The following BNIP2 variants were observed in gnomAD, a reference collection of about 807,000 sequenced individuals.
BNIP2 encodes the protein BCL2/adenovirus E1B 19 kDa protein-interacting protein 2.
Under a neutral mutation model 43.4 loss-of-function variants are expected in BNIP2, and 36 were observed. The ratio of observed to expected loss-of-function variants is 0.83; its 90% confidence interval spans 0.64 to 1.10. The LOEUF (loss-of-function observed/expected upper bound fraction) is 1.10. BNIP2 is among the 50% of genes least tolerant of loss of function. The probability of loss-of-function intolerance (pLI) is 0.00; values close to 1 mark genes in which losing one functional copy is unlikely to be tolerated. For synonymous variants in BNIP2, 146 were observed against 121.0 expected, an observed-to-expected ratio of 1.21 and a Z score of -1.35; for missense variants, 417 against 374.1, an observed-to-expected ratio of 1.11 and a Z score of -0.95.
chr15:59,670,387 C>T (rs1232235340), intron 7 of BNIP2, among the ~76,000 whole-genome samples: 3 of 152,174 alleles, frequency 2.0e-5, no homozygotes, highest in African/African-American at 7.2e-5. Flanking sequence ...GCAGAGATTG[C>T]ACCACTGCAC....
chr15:59,682,278 G>A (rs1194563413), intron 2 of BNIP2, 130 bp downstream of exon 2: 2 of 680,252 alleles, frequency 2.9e-6, no homozygotes, highest in Non-Finnish European at 4.8e-6. Context: ...AGTGAGCTGA[G>A]ATCGCGCCAC....
At chr15:59,688,141 G>A (rs1269685393) in intron 1 of BNIP2, among the ~76,000 whole-genome samples, 1 of 152,176 alleles carries the variant, frequency 6.6e-6, no homozygotes, top group Non-Finnish European at 1.5e-5. Context: ...AGAATATGAA[G>A]ACTAGGAATA....
chr15:59,682,435 T>C lies in BNIP2; in HGVS notation c.23A>G (p.Glu8Gly), dbSNP rs541453685. The change falls in exon 2 of 10, where the codon GAA becomes GGA. Residue 8 changes from glutamate (E) to glycine (G), a missense_variant. Transcript: ENST00000607373. The stretch of plus-strand genomic sequence containing the variant: ...CGGAAAATCTTCATCTTGCCATTCT[T>C]CTTTAAGTTCCACACCTTCCATCCT... MEGVELK[E>G]EWQDEDFPIP... The C allele has an allele frequency of 6.2e-7, 1 of 1,613,392 alleles. No homozygotes were observed. Among genetic ancestry groups the C allele is most frequent in the Non-Finnish European group, 8.5e-7 (1 of 1,179,622 alleles).
At chr15:59,672,221 AC>A (rs1335682317) in intron 6 of BNIP2, 1 of 153,984 alleles carries the variant, frequency 6.5e-6, no homozygotes, top group Non-Finnish European at 1.4e-5. Context: ...AGTAACAAAT[AC>A]TTTTACTTTA....
chr15:59,688,634 C>A, intron 1 of BNIP2: 1 of 1,397,968 alleles, frequency 7.2e-7, no homozygotes, highest in Non-Finnish European at 9.8e-7. Flanking sequence ...TTTTGACGTA[C>A]ACACTCTGTA....
At chr15:59,671,390 T>C in intron 6 of BNIP2, 76 bp from the exon 7 acceptor site, 2 of 1,285,834 alleles carry the variant, frequency 1.6e-6, no homozygotes, top group East Asian at 2.6e-5. Flanking sequence ...ATTGTACCAT[T>C]ATACAATTCC....
At chr15:59,679,843 A>C (rs1595703089) in intron 3 of BNIP2, 75 bp from the exon 4 acceptor site, 1 of 1,246,002 alleles carries the variant, frequency 8.0e-7, no homozygotes, top group Non-Finnish European at 1.1e-6. Flanking sequence ...GAAAAATTTT[A>C]ACTACCCCAT....
chr15:59,670,033 C>G (rs575654529), intron 7 of BNIP2, among the ~76,000 whole-genome samples: 14 of 152,182 alleles, frequency 9.2e-5, no homozygotes, highest in Non-Finnish European at 1.9e-4. Flanking sequence ...TCAAACCAAT[C>G]GGAAGATCAC....
At chr15:59,673,816 G>C (rs1256481399) in intron 5 of BNIP2, among the ~76,000 whole-genome samples, 1 of 152,096 alleles carries the variant, frequency 6.6e-6, no homozygotes, top group South Asian at 2.1e-4. Context: ...GGCCGGGCGA[G>C]GTGGCTCATG....
intron 5 of BNIP2, among the ~76,000 whole-genome samples, chr15:59,676,487 C>T (rs1248530281): frequency 1.3e-5 from 2 of 152,238 alleles, no homozygotes; most frequent in East Asian, 3.9e-4. Flanking sequence ...CCGTGCCCAA[C>T]CTGACAGTTT....
At chr15:59,687,907 C>G (rs1894122288) in intron 1 of BNIP2, among the ~76,000 whole-genome samples, 1 of 152,208 alleles carries the variant, frequency 6.6e-6, no homozygotes, top group Non-Finnish European at 1.5e-5. Context: ...GTCCCCATAT[C>G]TAGTCCGGAA....
chr15:59,685,274 C>A (rs781530477), intron 1 of BNIP2, among the ~76,000 whole-genome samples: 1 of 152,010 alleles, frequency 6.6e-6, no homozygotes, highest in Admixed American at 6.5e-5. Context: ...CTGAGGTGGG[C>A]GGATCACCTG....
Position 59,682,293 on chromosome 15 carries a change from C to T in BNIP2, c.50+115G>A, listed in dbSNP as rs576441101. ...AGTGAGCTGAGATCGCGCCACTGCACTCCAGCCTGGGCAACAGAGCAAGAC... is the reference window on the plus strand; with the variant it reads ...AGTGAGCTGAGATCGCGCCACTGCATTCCAGCCTGGGCAACAGAGCAAGAC... On this transcript the variant is annotated intron_variant, in intron 2 of 9. Transcript: ENST00000607373. The T allele has an allele frequency of 2.0e-4, 174 of 877,684 alleles. 1 individual carries two copies. The African/African-American group carries it at 2.8e-3, about 14-fold the overall frequency. The allele number at this position is 877,684 out of a possible 1,614,324, so 54.4% of individuals were successfully genotyped here.
At chr15:59,669,080 G>T (rs1246532885) in intron 8 of BNIP2, 90 bp from the exon 9 acceptor site, 25 of 1,263,074 alleles carry the variant, frequency 2.0e-5, no homozygotes, top group Non-Finnish European at 2.8e-5. Flanking sequence ...ATGTCATTTT[G>T]AATGTTCAAA....
chr15:59,663,512 T>G lies in BNIP2; in HGVS notation c.*557A>C, dbSNP rs1285227048. ...ATACACTTCGATTATATACATGATC[T>G]TTGGGTATTCATGACAATCAGTTTA... On this transcript the variant is annotated 3_prime_UTR_variant, in exon 10 of 10. Coordinates refer to ENST00000607373, the MANE Select transcript of BNIP2 (RefSeq NM_004330.4). 2.6e-5 allele frequency: 4 copies of G among 152,658 alleles called. No homozygotes were observed. Among genetic ancestry groups the G allele is most frequent in the Non-Finnish European group, 5.9e-5 (4 of 68,044 alleles). The allele number at this position is 152,658 out of a possible 1,614,324, so 9.5% of individuals were successfully genotyped here. A position where few individuals can be genotyped will look rare whatever the true frequency, so the allele number is the denominator to read the frequency against.
At chr15:59,677,617 G>C (rs1426844377) in intron 5 of BNIP2, among the ~76,000 whole-genome samples, 1 of 152,146 alleles carries the variant, frequency 6.6e-6, no homozygotes, top group Non-Finnish European at 1.5e-5. Flanking sequence ...AAATTGCTAA[G>C]CATGTTCAGG....
At position 59,671,234 on chromosome 15, in the gene BNIP2, TTTC is replaced by T. The variant is rs1326606969; in HGVS notation, c.653_655del (p.Arg218del). Reference sequence around the variant, plus strand: ...CCTGAGCCATCCCAGACTGGGCATTTTTCTTCGAGTTGTTGCACCATTTAAATA... The same window carrying T: ...CCTGAGCCATCCCAGACTGGGCATTTTTCGAGTTGTTGCACCATTTAAATA... On this transcript the variant is annotated inframe_deletion, in exon 7 of 10. Coordinates refer to ENST00000607373, the MANE Select transcript of BNIP2 (RefSeq NM_004330.4). 2 of 1,601,680 alleles carry T rather than the reference TTTC, an allele frequency of 1.2e-6. No individual in the cohort carries two copies. Among genetic ancestry groups the T allele is most frequent in the African/African-American group, 1.3e-5 (1 of 74,850 alleles).
At chr15:59,676,032 A>G (rs1893263872) in intron 5 of BNIP2, among the ~76,000 whole-genome samples, 1 of 152,200 alleles carries the variant, frequency 6.6e-6, no homozygotes, top group Admixed American at 6.5e-5. Context: ...TGGGTTTTAT[A>G]TATATGGGTA....
Position 59,662,713 on chromosome 15 carries a change from C to A in BNIP2, c.*1356G>T, listed in dbSNP as rs1388170928. On this transcript the variant is annotated 3_prime_UTR_variant, in exon 10 of 10. Transcript: ENST00000607373. ...CTCTAGGCCACTGTTTTGTAAAATA[C>A]CTTACAGGAAGGGTTGAAGAGTAGC... The A allele has an allele frequency of 6.6e-6, 1 of 152,142 alleles. No homozygotes were observed. The highest frequency in any genetic ancestry group is 2.4e-5 in the African/African-American group (1 of 41,426). The allele number at this position is 152,142 out of a possible 1,614,324, so 9.4% of individuals were successfully genotyped here. A position where few individuals can be genotyped will look rare whatever the true frequency, so the allele number is the denominator to read the frequency against.
Sources: gnomAD v4.1 joint callset for allele counts (sites outside exome capture counted in the v4.1 genomes callset) on GRCh38, gnomAD v4.1.1 for gene constraint, MANE v1.5 for transcripts, NCBI Gene and HGNC (gene_info 2026-07-23, HGNC 2026-07-21) for gene names.